Variants in UNC13C observed in about 807,000 individuals in gnomAD.
UNC13C encodes the protein protein unc-13 homolog C.
A neutral mutation model predicts 245.4 loss-of-function variants in UNC13C; 174 were observed. That is an observed-to-expected ratio of 0.71 (90% CI 0.63 to 0.80). The LOEUF (loss-of-function observed/expected upper bound fraction) is 0.80. Among genes scored for constraint, UNC13C ranks in the 30% least tolerant of loss-of-function variants. The pLI, the probability that UNC13C is intolerant of heterozygous loss-of-function variation, is 0.00. For missense variants in UNC13C, 2,829 were observed against 2,602.9 expected (o/e 1.09, Z -1.89); for synonymous variants, 992 against 895.1 (o/e 1.11, Z -1.93).
intron 1 of UNC13C, among the ~76,000 whole-genome samples, chr15:54,006,014 T>A (rs539446948): frequency 2.1e-4 from 32 of 152,324 alleles, no homozygotes; most frequent in African/African-American, 7.7e-4. Flanking sequence ...AAGGAGAATG[T>A]AAATTATTAT....
chr15:54,396,670 C>T (rs917197816), intron 18 of UNC13C, among the ~76,000 whole-genome samples: 1 of 151,566 alleles, frequency 6.6e-6, no homozygotes, highest in South Asian at 2.1e-4. Context: ...TCCAAAGTGG[C>T]TGTACCATGC....
Position 54,014,006 on chromosome 15 carries a change from A to T in UNC13C, c.1103A>T (p.Asp368Val). 6.2e-7 allele frequency: 1 copy of T among 1,613,834 alleles called. No homozygotes were observed. The highest frequency in any genetic ancestry group is 8.5e-7 in the Non-Finnish European group (1 of 1,179,834). Reference sequence around the variant, plus strand: ...GCTCAGAGGATAGGACACCAGAGAGACTGCCCAAATGCAAAGCCTCGACCC... The same window carrying T: ...GCTCAGAGGATAGGACACCAGAGAGTCTGCCCAAATGCAAAGCCTCGACCC... ...EFAQRIGHQR[D>V]CPNAKPRPIL... The change falls in exon 2 of 33, where the codon GAC (aspartate) becomes GTC (valine). Residue 368 changes from aspartate to valine, a missense_variant. Coordinates refer to ENST00000260323, the MANE Select transcript of UNC13C (RefSeq NM_001080534.3).
chr15:54,333,732 GA>G (rs745763275), intron 15 of UNC13C, 34 bp from the exon 16 acceptor site: 17 of 1,450,596 alleles, frequency 1.2e-5, no homozygotes, highest in Non-Finnish European at 1.6e-5. Flanking sequence ...GTTTACTGCT[GA>G]CAACCTTATC....
chr15:53,881,805 T>G, the UNC13C span, among the ~76,000 whole-genome samples: 3 of 152,196 alleles, frequency 2.0e-5, no homozygotes, highest in Middle Eastern at 3.2e-3. Flanking sequence ...TATTCCTACT[T>G]GCACAAAACC....
the UNC13C span, among the ~76,000 whole-genome samples, chr15:53,916,004 A>AT: frequency 6.6e-6 from 1 of 152,156 alleles, no homozygotes; most frequent in Non-Finnish European, 1.5e-5. Context: ...AATTTTCTTT[A>AT]TCCCCCAAGT....
At chr15:54,609,786 G>T (rs1423319488) in intron 30 of UNC13C, among the ~76,000 whole-genome samples, 1 of 152,106 alleles carries the variant, frequency 6.6e-6, no homozygotes, top group East Asian at 1.9e-4. Context: ...AATTTCTAAA[G>T]AAAAAAGGTT....
At chr15:53,851,799 A>G in the UNC13C span, among the ~76,000 whole-genome samples, 1 of 152,288 alleles carries the variant, frequency 6.6e-6, no homozygotes, top group East Asian at 1.9e-4. Context: ...AAGCCCAAGA[A>G]GACAGAGTTT....
chr15:54,187,195 A>G (rs550957380), intron 4 of UNC13C, among the ~76,000 whole-genome samples: 5 of 152,240 alleles, frequency 3.3e-5, no homozygotes, highest in Admixed American at 1.3e-4. Flanking sequence ...AATGTTTAAT[A>G]AAATATAATA....
In UNC13C at chr15:54,019,924, C is replaced by T. The variant is rs112475802; in HGVS notation, c.2983+4038C>T. On this transcript the variant is annotated intron_variant, in intron 2 of 32. Coordinates refer to ENST00000260323, the MANE Select transcript of UNC13C (RefSeq NM_001080534.3). ...TTATTGTGACTTGGTGGTCCTACAA[C>T]GGGGCCAGGCATATGCCTTTAAATT... 4.1e-3 allele frequency among the ~76,000 whole-genome samples: 626 copies of T among 152,214 alleles called. 3 individuals are homozygous for T. Among genetic ancestry groups the T allele is most frequent in the African/African-American group, 0.014 (601 of 41,542 alleles).
At chr15:54,259,668 T>C (rs936624634) in intron 8 of UNC13C, among the ~76,000 whole-genome samples, 4 of 152,270 alleles carry the variant, frequency 2.6e-5, no homozygotes, top group East Asian at 1.9e-4. Context: ...CATTGATAGG[T>C]ACTGTGCACT....
At chr15:54,543,030 G>C (rs1231640408) in intron 26 of UNC13C, among the ~76,000 whole-genome samples, 2 of 151,974 alleles carry the variant, frequency 1.3e-5, no homozygotes, top group African/African-American at 2.4e-5. Flanking sequence ...TGTGAATTTG[G>C]TCCTGTCGCT....
At chr15:54,271,780 G>C (rs1596121092) in intron 10 of UNC13C, among the ~76,000 whole-genome samples, 2 of 152,322 alleles carry the variant, frequency 1.3e-5, no homozygotes, top group African/African-American at 4.8e-5. Flanking sequence ...CAAAATGCCT[G>C]TGATAGGAGT....
At chr15:54,225,979 C>T (rs749340445) in intron 4 of UNC13C, among the ~76,000 whole-genome samples, 7 of 152,078 alleles carry the variant, frequency 4.6e-5, no homozygotes, top group Non-Finnish European at 7.4e-5. Flanking sequence ...GAGGTATGTT[C>T]CTTCAATACC....
At chr15:53,961,864 C>T in the UNC13C span, among the ~76,000 whole-genome samples, 1 of 152,150 alleles carries the variant, frequency 6.6e-6, no homozygotes, top group Non-Finnish European at 1.5e-5. Context: ...TACAAACCTA[C>T]TTCTTAGTGT....
chr15:54,603,286 CT>C (rs1899547859), intron 30 of UNC13C, among the ~76,000 whole-genome samples: 3 of 152,182 alleles, frequency 2.0e-5, no homozygotes, highest in Admixed American at 6.5e-5. Flanking sequence ...GTATGACTCT[CT>C]TTTAATCATA....
intron 10 of UNC13C, among the ~76,000 whole-genome samples, chr15:54,268,577 A>T (rs978914294): frequency 5.9e-5 from 9 of 152,114 alleles, no homozygotes; most frequent in African/African-American, 9.7e-5. Flanking sequence ...TTAGTTCTGG[A>T]CATACTTAAG....
intron 10 of UNC13C, among the ~76,000 whole-genome samples, chr15:54,269,250 A>G (rs1174721682): frequency 1.3e-5 from 2 of 151,886 alleles, no homozygotes; most frequent in Non-Finnish European, 2.9e-5. Context: ...CATCACTGAC[A>G]TATCTCCATT....
At chr15:54,542,211 T>A (rs1006607223) in intron 26 of UNC13C, among the ~76,000 whole-genome samples, 1 of 152,186 alleles carries the variant, frequency 6.6e-6, no homozygotes, top group Non-Finnish European at 1.5e-5. Flanking sequence ...TTATTTTTCA[T>A]TGTTTTCAAA....
chr15:54,579,192 C>T (rs181045977), intron 30 of UNC13C, among the ~76,000 whole-genome samples: 49 of 152,168 alleles, frequency 3.2e-4, no homozygotes, highest in Non-Finnish European at 6.0e-4. Flanking sequence ...CTACAGGATT[C>T]CAAAATAAAG....
Sources: allele counts gnomAD v4.1 joint callset (sites outside exome capture counted in the v4.1 genomes callset), GRCh38; gene constraint gnomAD v4.1.1; transcripts MANE v1.5; gene names NCBI Gene and HGNC (gene_info 2026-07-23, HGNC 2026-07-21).